The following IRAG1 variants were observed in gnomAD, a reference collection of about 807,000 sequenced individuals.
IRAG1 encodes the protein inositol 1,4,5-triphosphate receptor associated 1.
Under a neutral mutation model 106.2 loss-of-function variants are expected in IRAG1, and 62 were observed. That is an observed-to-expected ratio of 0.58 (90% CI 0.48 to 0.72). The LOEUF is 0.72. IRAG1 is among the 30% of genes least tolerant of loss of function. IRAG1 has a pLI of 0.00. For synonymous variants in IRAG1, 462 were observed against 443.9 expected, an observed-to-expected ratio of 1.04 and a Z score of -0.51; for missense variants, 1,064 against 1,140.7, an observed-to-expected ratio of 0.93 and a Z score of 0.97.
intron 18 of IRAG1, 116 bp from the exon 19 acceptor site, chr11:10,582,102 G>A: frequency 8.0e-7 from 1 of 1,245,492 alleles, no homozygotes; most frequent in Non-Finnish European, 1.1e-6. Flanking sequence ...GGCTTTTTCA[G>A]TAACTTTCAG....
intron 1 of IRAG1, 81 bp from the exon 2 acceptor site, chr11:10,652,263 C>T (rs944060713): frequency 1.3e-6 from 2 of 1,579,562 alleles, no homozygotes; most frequent in African/African-American, 2.7e-5. Flanking sequence ...AGCCACAAGC[C>T]ACAGTGAGAG....
chr11:10,689,196 T>C (rs551329204), intron 1 of IRAG1, among the ~76,000 whole-genome samples: 1 of 99,466 alleles, frequency 1.0e-5, no homozygotes, highest in Non-Finnish European at 2.2e-5. Flanking sequence ...CCTGCTCTCA[T>C]TTTTTTAAGA....
intron 18 of IRAG1, among the ~76,000 whole-genome samples, chr11:10,583,908 G>A (rs1006144066): frequency 2.0e-5 from 3 of 152,108 alleles, no homozygotes; most frequent in African/African-American, 7.2e-5. Flanking sequence ...CATCTGCTGA[G>A]AGTGAGAGGT....
At chr11:10,633,915 C>T in intron 3 of IRAG1, 53 bp downstream of exon 3, 1 of 1,061,962 alleles carries the variant, frequency 9.4e-7, no homozygotes, top group Non-Finnish European at 1.4e-6. Flanking sequence ...CTGTCTGATC[C>T]TCATGTTCTA....
chr11:10,692,412 G>T (rs530451816), intron 1 of IRAG1, among the ~76,000 whole-genome samples: 1 of 152,108 alleles, frequency 6.6e-6, no homozygotes, highest in Non-Finnish European at 1.5e-5. Flanking sequence ...TTGGTGGAAC[G>T]ACCTTAGGCA....
Position 10,574,402 on chromosome 11 carries a change from A to G in IRAG1, c.*1930T>C, listed in dbSNP as rs920908852. 4 of 152,148 alleles carry G rather than the reference A, an allele frequency of 2.6e-5. No homozygotes were observed. The allele number at this position is 152,148 out of a possible 1,614,324, so 9.4% of individuals were successfully genotyped here. On this transcript the variant is annotated 3_prime_UTR_variant, in exon 21 of 21. Coordinates refer to ENST00000423302, the MANE Select transcript of IRAG1 (RefSeq NM_130385.4). ...CCACCATGCTAGGCACTTACCCAAG[A>G]GATGGGTAAGACATGGTTCTTGTCT...
chr11:10,606,628 C>A, intron 12 of IRAG1, 114 bp downstream of exon 12: 1 of 1,094,010 alleles, frequency 9.1e-7, no homozygotes. Flanking sequence ...CCCACAGTCA[C>A]TCTTTCTCAT....
chr11:10,635,272 C>T (rs1857064678), intron 2 of IRAG1, among the ~76,000 whole-genome samples: 1 of 152,172 alleles, frequency 6.6e-6, no homozygotes, highest in African/African-American at 2.4e-5. Flanking sequence ...TTTCCTTCTC[C>T]TCCTTCCCAC....
intron 1 of IRAG1, among the ~76,000 whole-genome samples, chr11:10,677,601 T>C (rs1297423126): frequency 6.9e-6 from 1 of 145,042 alleles, no homozygotes; most frequent in East Asian, 2.0e-4. Flanking sequence ...TAAACTTCTT[T>C]TTTAAAAAAT....
At chr11:10,636,887 T>A (rs1288757020) in intron 2 of IRAG1, among the ~76,000 whole-genome samples, 2 of 152,204 alleles carry the variant, frequency 1.3e-5, no homozygotes, top group African/African-American at 4.8e-5. Context: ...TTACTGGGAA[T>A]CAGGGATTTG....
chr11:10,678,670 T>C (rs1321770675), intron 1 of IRAG1, among the ~76,000 whole-genome samples: 1 of 152,148 alleles, frequency 6.6e-6, no homozygotes, highest in African/African-American at 2.4e-5. Context: ...CCATCTGAAA[T>C]GTATTCTCAG....
At chr11:10,669,867 A>G (rs957773824) in intron 1 of IRAG1, among the ~76,000 whole-genome samples, 12 of 152,210 alleles carry the variant, frequency 7.9e-5, no homozygotes, top group South Asian at 6.2e-4. Context: ...CAGGTGATTT[A>G]TAACTGCCTG....
At chr11:10,645,690 G>A (rs1047608304) in intron 2 of IRAG1, among the ~76,000 whole-genome samples, 4 of 152,186 alleles carry the variant, frequency 2.6e-5, no homozygotes, top group African/African-American at 9.7e-5. Flanking sequence ...CCTATTGTGA[G>A]CTAAGTACTT....
chr11:10,651,630 T>C (rs992663031), intron 2 of IRAG1, among the ~76,000 whole-genome samples: 1 of 152,258 alleles, frequency 6.6e-6, no homozygotes, highest in African/African-American at 2.4e-5. Context: ...CTATACAATT[T>C]TGATCTCCAT....
chr11:10,578,637 T>A (rs1057159912), intron 20 of IRAG1, among the ~76,000 whole-genome samples: 2 of 152,214 alleles, frequency 1.3e-5, no homozygotes, highest in African/African-American at 4.8e-5. Context: ...GAAGAAATCA[T>A]GTTTGAGAGC....
rs751196275 is a variant in IRAG1 at position 10,623,808 on chromosome 11, C to G, written c.1417G>C (p.Asp473His). 8.7e-6 allele frequency: 14 copies of G among 1,614,088 alleles called. No individual in the cohort carries two copies. Among genetic ancestry groups the G allele is most frequent in the Middle Eastern group, 3.3e-4 (2 of 6,062 alleles). The change falls in exon 10 of 21, where the codon GAC becomes CAC. Residue 473 changes from aspartate to histidine, a missense_variant. Coordinates refer to ENST00000423302, the MANE Select transcript of IRAG1 (RefSeq NM_130385.4). ...TCCTGCTCAGCTGCTTCACTAAGGT[C>G]TGGAAGCTTGAGCCCCACTAAGTTC... ...NQNLVGLKLP[D>H]LSEAAEQEKG...
At chr11:10,680,534 A>AGGGGAAGG (rs1359347721) in intron 1 of IRAG1, among the ~76,000 whole-genome samples, 1 of 141,234 alleles carries the variant, frequency 7.1e-6, no homozygotes, top group African/African-American at 2.7e-5. Context: ...AAAGGAAGGA[A>AGGGGAAGG]GGAAGGGGAA....
Position 10,647,271 on chromosome 11 carries a change from G to GTA in IRAG1, c.225+4753_225+4754insTA, listed in dbSNP as rs558061078. On this transcript the variant is annotated intron_variant, in intron 2 of 20. Transcript: ENST00000423302. The surrounding 1 kb of genome is among the most constrained non-coding windows in gnomAD (Gnocchi z 4.3). ...CCCAGATCCTGGGCCTGCCACTTAT[G>GTA]AGCTGTATGACCTTGGAGGAAGGTA... 4.6e-5 allele frequency among the ~76,000 whole-genome samples: 7 copies of GTA among 152,322 alleles called. No individual in the cohort carries two copies. In the South Asian group the frequency reaches 1.5e-3, roughly 32 times the overall value.
At chr11:10,633,775 G>GA (rs1856925168) in intron 3 of IRAG1, among the ~76,000 whole-genome samples, 193 bp downstream of exon 3, 1 of 152,080 alleles carries the variant, frequency 6.6e-6, no homozygotes, top group Non-Finnish European at 1.5e-5. Context: ...TCCAGGAGAG[G>GA]AAAAATCATT....
Sources: gnomAD v4.1 joint callset for allele counts (sites outside exome capture counted in the v4.1 genomes callset) on GRCh38, gnomAD v4.1.1 for gene constraint, Gnocchi (gnomAD v3.1) non-coding constraint, MANE v1.5 for transcripts, NCBI Gene and HGNC (gene_info 2026-07-23, HGNC 2026-07-21) for gene names.